Variants in DOCK2 observed in about 807,000 individuals in gnomAD.
DOCK2 encodes the protein dedicator of cytokinesis 2, also known as dedicator of cytokinesis protein 2.
In DOCK2, 87 loss-of-function variants were observed where a neutral mutation model predicts 248.9. The observed-to-expected ratio is 0.35, with a 90% CI of 0.29 to 0.42. DOCK2 has a LOEUF of 0.42. Among genes scored for constraint, DOCK2 ranks in the 10% least tolerant of loss-of-function variants. The pLI, the probability that DOCK2 is intolerant of heterozygous loss-of-function variation, is 1.00. For missense variants in DOCK2, 1,747 were observed against 2,300.2 expected, an observed-to-expected ratio of 0.76 and a Z score of 4.92; for synonymous variants, 805 against 821.6, an observed-to-expected ratio of 0.98 and a Z score of 0.35.
Position 169,803,179 on chromosome 5 carries a change from C to G in DOCK2, c.2676C>G (p.Ile892Met). 1 of 1,613,754 alleles carries G rather than the reference C, an allele frequency of 6.2e-7. No individual in the cohort carries two copies. The highest frequency in any genetic ancestry group is 8.5e-7 in the Non-Finnish European group (1 of 1,179,868). The change falls in exon 26 of 52, where the codon ATC becomes ATG. Residue 892 changes from isoleucine (I) to methionine (M), a missense_variant. By Grantham distance (10) the Ile-to-Met change is conservative (BLOSUM62 1). Around this residue, in one of 4 missense-constraint regions of DOCK2, gnomAD observed 858 missense variants for 1,183.5 expected, o/e 0.72. Transcript: ENST00000520908. ...ACTGCGTTGAATTGCTCAACAGCAT[C>G]TTGGAAGTCCTTAGCTACCAGGATG... ...RKYCVELLNS[I>M]LEVLSYQDAA...
In DOCK2 at chr5:170,071,628, C is replaced by A. The variant is rs528124669; in HGVS notation, c.4728+2408C>A. ...AAAAGTACACATAAAAATATATAACCCACTGATTTATCAAAAACATACATC... is the reference window on the plus strand; with the variant it reads ...AAAAGTACACATAAAAATATATAACACACTGATTTATCAAAAACATACATC... On this transcript the variant is annotated intron_variant, in intron 46 of 51. Coordinates refer to ENST00000520908, the MANE Select transcript of DOCK2 (RefSeq NM_004946.3). 2.0e-5 allele frequency among the ~76,000 whole-genome samples: 3 copies of A among 151,958 alleles called. No individual in the cohort carries two copies. In the East Asian group the frequency reaches 5.8e-4, roughly 29 times the overall value.
intron 27 of DOCK2, chr5:169,864,587 T>G: frequency 8.3e-6 from 6 of 718,900 alleles, no homozygotes; most frequent in Non-Finnish European, 1.3e-5. Flanking sequence ...CTTAGGTACC[T>G]ACTGGCTCTT....
At chr5:169,857,770 A>G (rs189772867) in intron 27 of DOCK2, among the ~76,000 whole-genome samples, 1 of 152,256 alleles carries the variant, frequency 6.6e-6, no homozygotes, top group African/African-American at 2.4e-5. Context: ...TCACACGTAC[A>G]TAAACCAAAA....
At position 169,716,298 on chromosome 5, in the gene DOCK2, C is replaced by T; in HGVS notation, c.2027C>T (p.Ala676Val). 2.5e-6 allele frequency: 4 copies of T among 1,613,346 alleles called. No individual in the cohort carries two copies. Among genetic ancestry groups the T allele is most frequent in the Middle Eastern group, 3.3e-4 (2 of 6,056 alleles). ...GAATATGACATCCTCGTCTTTGATGCCTTGGTAAGAGAGAGGGGAAAAGTG... is the reference window on the plus strand; with the variant it reads ...GAATATGACATCCTCGTCTTTGATGTCTTGGTAAGAGAGAGGGGAAAAGTG... Reference protein sequence around the residue: ...SDEYDILVFDALIYIIGLIAD... With the variant: ...SDEYDILVFDVLIYIIGLIAD... Residue 676 changes from alanine to valine, a missense_variant, in exon 20 of 52, where the codon GCC (alanine) becomes GTC (valine). Transcript: ENST00000520908.
intron 27 of DOCK2, chr5:169,883,782 G>T (rs1752316970): frequency 1.9e-6 from 3 of 1,551,630 alleles, no homozygotes; most frequent in Non-Finnish European, 2.6e-6. Flanking sequence ...CATCTTCCTT[G>T]AATCTCACCT....
Position 169,718,645 on chromosome 5 carries a change from T to A in DOCK2, c.2133-12T>A. 6.2e-7 allele frequency: 1 copy of A among 1,607,578 alleles called. No individual in the cohort carries two copies. The highest frequency in any genetic ancestry group is 8.5e-7 in the Non-Finnish European group (1 of 1,175,962). On this transcript the variant is annotated splice_polypyrimidine_tract_variant and intron_variant, in intron 21 of 51. Coordinates refer to ENST00000520908, the MANE Select transcript of DOCK2 (RefSeq NM_004946.3). ...AAAGAGATGTATTTTGAAAATATTA[T>A]CCCTTATTCAGGAAATTGATGACAG...
intron 27 of DOCK2, among the ~76,000 whole-genome samples, chr5:169,843,672 C>A (rs1370438781): frequency 6.6e-6 from 1 of 152,150 alleles, no homozygotes; most frequent in African/African-American, 2.4e-5. Context: ...TAGAGTATTT[C>A]TTTTACTCTC....
intron 27 of DOCK2, among the ~76,000 whole-genome samples, chr5:169,939,215 T>G (rs1427235600): frequency 6.6e-6 from 1 of 151,456 alleles, no homozygotes; most frequent in Non-Finnish European, 1.5e-5. Flanking sequence ...TTTTTTTTTT[T>G]TTAAACTTTT....
intron 23 of DOCK2, among the ~76,000 whole-genome samples, chr5:169,752,001 A>G (rs111340894): frequency 0.032 from 4,667 of 145,258 alleles, 90 homozygotes; most frequent in African/African-American, 0.05. Flanking sequence ...ACTATTCTCT[A>G]TGCCACAGGT....
intron 27 of DOCK2, among the ~76,000 whole-genome samples, chr5:169,847,567 G>GT (rs1371266061): frequency 6.6e-6 from 1 of 151,972 alleles, no homozygotes; most frequent in East Asian, 1.9e-4. Flanking sequence ...TCTAGACCTT[G>GT]TTTTTTTAAT....
chr5:169,963,017 A>T (rs1388400294), intron 27 of DOCK2, among the ~76,000 whole-genome samples: 1 of 152,160 alleles, frequency 6.6e-6, no homozygotes, highest in Admixed American at 6.5e-5. Context: ...TGACATTTTG[A>T]TGCTTAAGTG....
chr5:170,069,112 C>A, intron 45 of DOCK2, 25 bp from the exon 46 acceptor site: 1 of 1,608,382 alleles, frequency 6.2e-7, no homozygotes, highest in South Asian at 1.1e-5. Flanking sequence ...ACAGGAAACC[C>A]TGACCTCCTA....
In DOCK2 at chr5:169,727,004, G is replaced by T. The variant is rs139770401; in HGVS notation, c.2267+8213G>T. 6.2e-3 allele frequency among the ~76,000 whole-genome samples: 945 copies of T among 151,690 alleles called. 8 individuals carry two copies. Among genetic ancestry groups the T allele is most frequent in the Non-Finnish European group, 9.3e-3 (630 of 67,922 alleles). On this transcript the variant is annotated intron_variant, in intron 22 of 51. Coordinates refer to ENST00000520908, the MANE Select transcript of DOCK2 (RefSeq NM_004946.3). Reference sequence around the variant, plus strand: ...GAATTGCTTGAACTGGGGGGTGGAGGTTGCAGTGAGCTGAGATCGTGCCAC... The same window carrying T: ...GAATTGCTTGAACTGGGGGGTGGAGTTTGCAGTGAGCTGAGATCGTGCCAC...
chr5:169,827,662 G>A (rs891393237), intron 26 of DOCK2, among the ~76,000 whole-genome samples: 3 of 152,074 alleles, frequency 2.0e-5, no homozygotes, highest in South Asian at 2.1e-4. Context: ...ACTATAGATC[G>A]GAATTCGGAA....
At position 169,712,215 on chromosome 5, in the gene DOCK2, G is replaced by A. The variant is rs764534218; in HGVS notation, c.1651G>A (p.Val551Ile). The change falls in exon 17 of 52, where the codon GTC becomes ATC. Residue 551 changes from valine to isoleucine, a missense_variant. Transcript: ENST00000520908. ...TLHDGFHDLV[V>I]LKGDSKKMED... ...ACACGATGGATTCCATGACTTAGTT[G>A]TCCTCAAGGTACCATGAGTTGGAAG... 6.2e-7 allele frequency: 1 copy of A among 1,613,990 alleles called. No individual in the cohort carries two copies. Among genetic ancestry groups the A allele is most frequent in the Non-Finnish European group, 8.5e-7 (1 of 1,179,880 alleles).
intron 34 of DOCK2, among the ~76,000 whole-genome samples, chr5:170,033,989 T>G (rs898776965): frequency 6.6e-6 from 1 of 152,162 alleles, no homozygotes; most frequent in Non-Finnish European, 1.5e-5. Context: ...CATTTGTGAG[T>G]ATTATATCTT....
intron 36 of DOCK2, 71 bp downstream of exon 36, chr5:170,036,626 C>A: frequency 6.9e-7 from 1 of 1,450,292 alleles, no homozygotes; most frequent in Non-Finnish European, 9.5e-7. Context: ...CGATGGCTCC[C>A]TGCTGCCTTC....
chr5:169,724,428 T>A (rs1393690749), intron 22 of DOCK2, among the ~76,000 whole-genome samples: 1 of 152,064 alleles, frequency 6.6e-6, no homozygotes, highest in Non-Finnish European at 1.5e-5. Flanking sequence ...CCAGGTGAGC[T>A]CACACTCCTT....
intron 27 of DOCK2, among the ~76,000 whole-genome samples, chr5:169,859,352 A>T (rs1477288555): frequency 6.6e-6 from 1 of 152,148 alleles, no homozygotes; most frequent in Non-Finnish European, 1.5e-5. Context: ...GAGGAAGTTG[A>T]GGTGAAAGTA....
Sources: gnomAD v4.1 joint callset for allele counts (sites outside exome capture counted in the v4.1 genomes callset) on GRCh38, gnomAD v4.1.1 for gene constraint, gnomAD v4.1.1 regional missense constraint, MANE v1.5 for transcripts, NCBI Gene and HGNC (gene_info 2026-07-23, HGNC 2026-07-21) for gene names.